KCTD8: variants seen among roughly 807,000 people sequenced by gnomAD.
KCTD8 encodes BTB/POZ domain-containing protein KCTD8.
A neutral mutation model predicts 31.5 loss-of-function variants in KCTD8; 27 were observed. The ratio of observed to expected loss-of-function variants is 0.86; its 90% CI spans 0.63 to 1.18. The LOEUF (loss-of-function observed/expected upper bound fraction) is 1.18. Among genes scored for constraint, KCTD8 ranks in the 50% most tolerant of loss-of-function variants. The pLI is 0.00. For synonymous variants in KCTD8, 290 were observed against 280.0 expected (o/e 1.04, Z -0.36); for missense variants, 658 against 647.7 (o/e 1.02, Z -0.17).
At chr4:44,296,025 G>A (rs1262874774) in intron 1 of KCTD8, among the ~76,000 whole-genome samples, 1 of 152,052 alleles carries the variant, frequency 6.6e-6, no homozygotes, top group East Asian at 1.9e-4. Context: ...GTTTCCCTTG[G>A]TTTAAATATT....
intron 1 of KCTD8, among the ~76,000 whole-genome samples, chr4:44,294,759 C>T (rs1398525943): frequency 6.6e-6 from 1 of 152,080 alleles, no homozygotes; most frequent in Non-Finnish European, 1.5e-5. Context: ...GTTGGACTTG[C>T]TTTCTTAAGT....
chr4:44,364,425 G>A (rs1291954132), intron 1 of KCTD8, among the ~76,000 whole-genome samples: 2 of 152,156 alleles, frequency 1.3e-5, no homozygotes, highest in East Asian at 1.9e-4. Context: ...CCAAAACACT[G>A]GCAAAACCTG....
At chr4:44,320,759 G>A (rs527306395) in intron 1 of KCTD8, among the ~76,000 whole-genome samples, 5 of 149,950 alleles carry the variant, frequency 3.3e-5, no homozygotes, top group African/African-American at 9.8e-5. Context: ...ATCCCTGTGC[G>A]ATAGTGACTG....
intron 1 of KCTD8, among the ~76,000 whole-genome samples, chr4:44,377,675 A>G (rs1233415670): frequency 1.3e-5 from 2 of 152,190 alleles, no homozygotes; most frequent in African/African-American, 4.8e-5. Flanking sequence ...AAAGAAGGAA[A>G]GGAGAAAAGT....
intron 1 of KCTD8, among the ~76,000 whole-genome samples, chr4:44,242,305 G>A (rs528503882): frequency 2.0e-5 from 3 of 152,328 alleles, no homozygotes; most frequent in Admixed American, 6.5e-5. Context: ...TAGGCCGGGC[G>A]CGGTGGCTCA....
At chr4:44,330,619 A>C (rs1363968017) in intron 1 of KCTD8, among the ~76,000 whole-genome samples, 6 of 152,016 alleles carry the variant, frequency 3.9e-5, no homozygotes, top group South Asian at 2.1e-4. Context: ...AATAAATGAG[A>C]ATCTGACAAT....
At chr4:44,255,286 T>C (rs1715959588) in intron 1 of KCTD8, among the ~76,000 whole-genome samples, 1 of 151,918 alleles carries the variant, frequency 6.6e-6, no homozygotes, top group South Asian at 2.1e-4. Flanking sequence ...CCCCTAGGGC[T>C]GAAATATCTC....
intron 1 of KCTD8, among the ~76,000 whole-genome samples, chr4:44,418,223 A>G (rs1318464886): frequency 6.6e-6 from 1 of 152,164 alleles, no homozygotes; most frequent in Non-Finnish European, 1.5e-5. Context: ...AACATTAATT[A>G]TGAGAGGGTA....
intron 1 of KCTD8, among the ~76,000 whole-genome samples, chr4:44,337,005 G>C (rs1718767067): frequency 6.6e-6 from 1 of 152,054 alleles, no homozygotes; most frequent in African/African-American, 2.4e-5. Flanking sequence ...AAAATATTTA[G>C]AGTAAATATG....
At chr4:44,400,495 G>A (rs189737555) in intron 1 of KCTD8, among the ~76,000 whole-genome samples, 178 of 151,940 alleles carry the variant, frequency 1.2e-3, no homozygotes, top group African/African-American at 3.8e-3. Context: ...TTGGGAGGCC[G>A]TGGTGGGTGG....
At chr4:44,236,871 T>C (rs1376690727) in intron 1 of KCTD8, among the ~76,000 whole-genome samples, 2 of 152,188 alleles carry the variant, frequency 1.3e-5, no homozygotes, top group African/African-American at 2.4e-5. Flanking sequence ...ACTGTTCTCA[T>C]GGTAGTAAGT....
chr4:44,205,601 C>G (rs893084869), intron 1 of KCTD8, among the ~76,000 whole-genome samples: 19 of 152,124 alleles, frequency 1.2e-4, no homozygotes, highest in Middle Eastern at 3.4e-3. Context: ...AAAAATAAAG[C>G]AAGAGAGATT....
At chr4:44,395,202 A>T (rs1435657281) in intron 1 of KCTD8, among the ~76,000 whole-genome samples, 2 of 152,146 alleles carry the variant, frequency 1.3e-5, no homozygotes, top group African/African-American at 2.4e-5. Context: ...ACAAAAAAAC[A>T]GTAATGAGAG....
Position 44,361,139 on chromosome 4 carries a change from G to A in KCTD8, c.961+86424C>T, listed in dbSNP as rs74607054. ...TTCATCTGCCATTAAAATAACTCTC[G>A]GGTTCATTTACCACATTCATTGTAA... On this transcript the variant is annotated intron_variant, in intron 1 of 1. Transcript: ENST00000360029. Among the ~76,000 whole-genome samples, 1,126 of 151,544 alleles carry A rather than the reference G, an allele frequency of 7.4e-3. 8 individuals carry two copies. The highest frequency in any genetic ancestry group is 0.026 in the African/African-American group (1,062 of 41,354).
chr4:44,423,843 A>G (rs1721282040), intron 1 of KCTD8, among the ~76,000 whole-genome samples: 1 of 152,120 alleles, frequency 6.6e-6, no homozygotes, highest in Non-Finnish European at 1.5e-5. Context: ...TTTTATCTGA[A>G]AAGATTTAAT....
At chr4:44,235,550 T>C (rs1399664367) in intron 1 of KCTD8, among the ~76,000 whole-genome samples, 6 of 87,364 alleles carry the variant, frequency 6.9e-5, no homozygotes, top group Non-Finnish European at 1.1e-4. Context: ...TATATATATA[T>C]ATATATATAT....
chr4:44,395,334 G>A (rs1429585658), intron 1 of KCTD8, among the ~76,000 whole-genome samples: 1 of 152,084 alleles, frequency 6.6e-6, no homozygotes, highest in Non-Finnish European at 1.5e-5. Context: ...TGTTGACATA[G>A]CTGCATAAGC....
intron 1 of KCTD8, among the ~76,000 whole-genome samples, chr4:44,374,557 T>G (rs1719870967): frequency 6.6e-6 from 1 of 152,180 alleles, no homozygotes; most frequent in South Asian, 2.1e-4. Context: ...GCAAGAGACA[T>G]AGCTTTTGAT....
intron 1 of KCTD8, among the ~76,000 whole-genome samples, chr4:44,362,770 T>C (rs998367010): frequency 3.4e-5 from 4 of 116,650 alleles, no homozygotes; most frequent in Non-Finnish European, 7.7e-5. Flanking sequence ...TTAAAGGTAA[T>C]TTTTTTTTTT....
Sources: gnomAD v4.1 joint callset for allele counts (sites outside exome capture counted in the v4.1 genomes callset) on GRCh38, gnomAD v4.1.1 for gene constraint, MANE v1.5 for transcripts, NCBI Gene and HGNC (gene_info 2026-07-23, HGNC 2026-07-21) for gene names.